Variants in GPC6 observed in about 807,000 individuals in gnomAD.
The protein encoded by GPC6 is glypican-6.
GPC6 carries 14 observed loss-of-function variants against 55.2 expected under a neutral mutation model. The ratio of observed to expected loss-of-function variants is 0.25; its 90% CI spans 0.17 to 0.40. The LOEUF (loss-of-function observed/expected upper bound fraction) is 0.40, where lower values mean the gene tolerates loss of function less well. GPC6 is among the 10% of genes least tolerant of loss of function. The probability of loss-of-function intolerance (pLI) is 1.00; values close to 1 mark genes in which losing one functional copy is unlikely to be tolerated. For synonymous variants in GPC6, 278 were observed against 259.6 expected, an observed-to-expected ratio of 1.07 and a Z score of -0.68; for missense variants, 641 against 708.5, an observed-to-expected ratio of 0.90 and a Z score of 1.08.
chr13:93,555,327 G>T (rs1875400370), intron 2 of GPC6, among the ~76,000 whole-genome samples: 2 of 152,106 alleles, frequency 1.3e-5, no homozygotes, highest in Admixed American at 1.3e-4. Context: ...ATTAAGTTCA[G>T]AGATTAGGTC....
At chr13:94,035,013 G>A (rs1316845989) in intron 4 of GPC6, among the ~76,000 whole-genome samples, 2 of 151,646 alleles carry the variant, frequency 1.3e-5, no homozygotes, top group Non-Finnish European at 2.9e-5. Context: ...AACAACAGAA[G>A]AATTTAGTTG....
chr13:93,422,854 T>C (rs1272212676), intron 1 of GPC6, among the ~76,000 whole-genome samples: 1 of 152,222 alleles, frequency 6.6e-6, no homozygotes, highest in Non-Finnish European at 1.5e-5. Flanking sequence ...ATGGTTCTAG[T>C]TAGCAACATG....
At chr13:93,920,024 C>A in intron 3 of GPC6, among the ~76,000 whole-genome samples, 1 of 152,212 alleles carries the variant, frequency 6.6e-6, no homozygotes, top group African/African-American at 2.4e-5. Flanking sequence ...TACAATCCAG[C>A]CTCTCCCATA....
chr13:93,615,641 A>G (rs566446237), intron 2 of GPC6, among the ~76,000 whole-genome samples: 1 of 152,244 alleles, frequency 6.6e-6, no homozygotes, highest in South Asian at 2.1e-4. Context: ...ATTTTCCTTG[A>G]AATTTCTAGA....
chr13:93,360,739 A>G (rs1040365488), intron 1 of GPC6, among the ~76,000 whole-genome samples: 1 of 152,178 alleles, frequency 6.6e-6, no homozygotes, highest in African/African-American at 2.4e-5. Context: ...TTTTTCCTCC[A>G]AAGTCGCTTT....
chr13:94,083,668 T>C (rs541201938), intron 4 of GPC6, among the ~76,000 whole-genome samples: 1 of 152,334 alleles, frequency 6.6e-6, no homozygotes, highest in South Asian at 2.1e-4. Context: ...TGATTTTGAC[T>C]CAAGTCCTAG....
intron 2 of GPC6, among the ~76,000 whole-genome samples, chr13:93,764,338 G>A (rs1329781597): frequency 6.6e-6 from 1 of 151,954 alleles, no homozygotes; most frequent in East Asian, 1.9e-4. Context: ...TGTTATATTT[G>A]ACCTTGCCAT....
At chr13:93,334,127 G>T (rs1879958672) in intron 1 of GPC6, among the ~76,000 whole-genome samples, 2 of 151,882 alleles carry the variant, frequency 1.3e-5, no homozygotes, top group African/African-American at 4.8e-5. Context: ...ACTCTTTATT[G>T]ATTAGTCCAT....
At chr13:94,306,223 C>A in intron 6 of GPC6, 100 bp downstream of exon 6, 1 of 1,188,788 alleles carries the variant, frequency 8.4e-7, no homozygotes, top group Non-Finnish European at 1.3e-6. Flanking sequence ...TTATAAGAGT[C>A]ATCTCATGCT....
intron 5 of GPC6, among the ~76,000 whole-genome samples, chr13:94,290,287 G>A (rs1369107391): frequency 6.6e-6 from 1 of 151,836 alleles, no homozygotes; most frequent in Non-Finnish European, 1.5e-5. Context: ...CCAGCGTGGT[G>A]GTATGAGCCT....
At chr13:94,395,550 G>C (rs74771904) in intron 7 of GPC6, among the ~76,000 whole-genome samples, 4,211 of 152,216 alleles carry the variant, frequency 0.028, 87 homozygotes, top group African/African-American at 0.047. Context: ...ATCAAGCATA[G>C]ATTCAATACC....
In GPC6 at chr13:93,551,545, G is replaced by T. The variant is rs192653162; in HGVS notation, c.319+6124G>T. 5.9e-5 allele frequency among the ~76,000 whole-genome samples: 9 copies of T among 152,192 alleles called. No individual in the cohort carries two copies. In the Middle Eastern group the frequency reaches 0.01, roughly 173 times the overall value. On this transcript the variant is annotated intron_variant, in intron 2 of 8. Transcript: ENST00000377047. ...AGTGGAGTTTGGAGATGCTAATATC[G>T]ACAGGTGGAGGCAGAATGCTCCTTA...
intron 4 of GPC6, among the ~76,000 whole-genome samples, chr13:94,271,380 G>GCACACACACA (rs1195447524): frequency 6.2e-5 from 7 of 112,504 alleles, no homozygotes; most frequent in African/African-American, 2.0e-4. Flanking sequence ...GCGCGCGCGC[G>GCACACACACA]CGCACACACA....
chr13:93,669,080 A>T (rs1247761754), intron 2 of GPC6, among the ~76,000 whole-genome samples: 1 of 152,202 alleles, frequency 6.6e-6, no homozygotes, highest in African/African-American at 2.4e-5. Flanking sequence ...TGCCTGAACA[A>T]TCACCATTTT....
chr13:93,267,688 C>T (rs528245282), intron 1 of GPC6, among the ~76,000 whole-genome samples: 2 of 152,070 alleles, frequency 1.3e-5, no homozygotes, highest in Non-Finnish European at 2.9e-5. Flanking sequence ...TTTATATGGT[C>T]TTTGGTTTTG....
chr13:93,695,515 G>A (rs1006616278), intron 2 of GPC6, among the ~76,000 whole-genome samples: 5 of 151,804 alleles, frequency 3.3e-5, no homozygotes, highest in Non-Finnish European at 7.4e-5. Context: ...ATGTATAAGG[G>A]AACAGTGATT....
chr13:93,445,812 T>A (rs1486336774), intron 1 of GPC6, among the ~76,000 whole-genome samples: 2 of 152,164 alleles, frequency 1.3e-5, no homozygotes, highest in Admixed American at 6.5e-5. Context: ...GCTACAAATA[T>A]ATGAATGTCA....
At chr13:93,915,170 AT>A (rs1877221290) in intron 3 of GPC6, among the ~76,000 whole-genome samples, 1 of 152,210 alleles carries the variant, frequency 6.6e-6, no homozygotes. Context: ...GTGAAGAGTC[AT>A]TAGCTGTCAT....
chr13:93,688,623 T>C (rs116323947), intron 2 of GPC6, among the ~76,000 whole-genome samples: 2 of 151,954 alleles, frequency 1.3e-5, no homozygotes, highest in Non-Finnish European at 2.9e-5. Flanking sequence ...CATCCTACAA[T>C]GTGGATGAAT....
Sources: gnomAD v4.1 joint callset for allele counts (sites outside exome capture counted in the v4.1 genomes callset) on GRCh38, gnomAD v4.1.1 for gene constraint, MANE v1.5 for transcripts, NCBI Gene and HGNC (gene_info 2026-07-23, HGNC 2026-07-21) for gene names.